SAMD3: variants seen among roughly 807,000 people sequenced by gnomAD.
The protein encoded by SAMD3 is sterile alpha motif domain containing 3, also known as sterile alpha motif domain-containing protein 3.
Under a neutral mutation model 58.5 loss-of-function variants are expected in SAMD3, and 63 were observed. That is an observed-to-expected ratio of 1.08 (90% CI 0.88 to 1.33). The LOEUF (loss-of-function observed/expected upper bound fraction) is 1.33, where lower values mean the gene tolerates loss of function less well. SAMD3 is among the 40% of genes most tolerant of loss of function. The probability of loss-of-function intolerance (pLI) is 0.00; values close to 1 mark genes in which losing one functional copy is unlikely to be tolerated. For synonymous variants in SAMD3, 220 were observed against 210.3 expected (o/e 1.05, Z -0.40); for missense variants, 604 against 608.4 (o/e 0.99, Z 0.08).
At chr6:130,269,321 A>G (rs1208436689) in intron 2 of SAMD3, among the ~76,000 whole-genome samples, 1 of 152,198 alleles carries the variant, frequency 6.6e-6, no homozygotes, top group Non-Finnish European at 1.5e-5. Context: ...TGGTAGAATA[A>G]TCAAGTGAAA....
intron 1 of SAMD3, among the ~76,000 whole-genome samples, chr6:130,353,121 A>C (rs1319210703): frequency 1.3e-5 from 2 of 152,202 alleles, no homozygotes; most frequent in Non-Finnish European, 2.9e-5. Flanking sequence ...TTCTGCATCT[A>C]GTCTTTCTTT....
Position 130,144,566 on chromosome 6 carries a change from AAAG to A in SAMD3, c.1514_1516del (p.Ser505del), listed in dbSNP as rs1788439138. 1.2e-6 allele frequency: 2 copies of A among 1,613,776 alleles called. No individual in the cohort carries two copies. Among genetic ancestry groups the A allele is most frequent in the African/African-American group, 2.7e-5 (2 of 74,894 alleles). On this transcript the variant is annotated inframe_deletion, in exon 12 of 12. Coordinates refer to ENST00000439090, the MANE Select transcript of SAMD3 (RefSeq NM_001017373.4). ...TCCTACTTCGTTTTCCTTTTCTTTC[AAAG>A]AAGGAAAATAAGGACTGTGCATATC...
At chr6:130,162,054 T>TG in intron 8 of SAMD3, 2 of 496,708 alleles carry the variant, frequency 4.0e-6, no homozygotes, top group South Asian at 3.4e-5. Context: ...ACCTTTGAGA[T>TG]GTGTGACTTT....
intron 2 of SAMD3, among the ~76,000 whole-genome samples, chr6:130,267,827 C>T (rs10872355): frequency 0.31 from 47,317 of 152,080 alleles, 7,742 homozygotes; most frequent in East Asian, 0.47. Flanking sequence ...CAATTGATCA[C>T]GACCCTCTCA....
intron 1 of SAMD3, among the ~76,000 whole-genome samples, chr6:130,332,150 T>C (rs1206571220): frequency 6.6e-6 from 1 of 152,064 alleles, no homozygotes; most frequent in Non-Finnish European, 1.5e-5. Context: ...TGGAGTAGAG[T>C]TGCCAGGGCT....
intron 2 of SAMD3, among the ~76,000 whole-genome samples, chr6:130,270,273 A>C: frequency 6.6e-6 from 1 of 152,144 alleles, no homozygotes; most frequent in Admixed American, 6.5e-5. Flanking sequence ...TTGTATTTTT[A>C]GTAGAGATGG....
chr6:130,322,933 AGTTT>A (rs1012371872), intron 1 of SAMD3, among the ~76,000 whole-genome samples: 73 of 152,136 alleles, frequency 4.8e-4, no homozygotes, highest in African/African-American at 1.7e-3. Context: ...TCAAGCCACT[AGTTT>A]GTTTTTTTCC....
At chr6:130,175,472 C>T (rs550078647) in intron 8 of SAMD3, among the ~76,000 whole-genome samples, 1 of 152,226 alleles carries the variant, frequency 6.6e-6, no homozygotes, top group Non-Finnish European at 1.5e-5. Flanking sequence ...GGCTACCTAA[C>T]TCAGACAATG....
chr6:130,298,820 G>A (rs1168022838), intron 2 of SAMD3, among the ~76,000 whole-genome samples: 1 of 146,806 alleles, frequency 6.8e-6, no homozygotes, highest in Non-Finnish European at 1.5e-5. Context: ...AAAAACAGCA[G>A]AGGTTACTAT....
chr6:130,265,972 A>G (rs1162955860), intron 2 of SAMD3, among the ~76,000 whole-genome samples: 1 of 152,184 alleles, frequency 6.6e-6, no homozygotes, highest in African/African-American at 2.4e-5. Context: ...ACTTGGATTA[A>G]AAAAATGAAA....
chr6:130,359,064 T>A (rs928878667), intron 1 of SAMD3, among the ~76,000 whole-genome samples: 2 of 152,160 alleles, frequency 1.3e-5, no homozygotes, highest in Admixed American at 6.5e-5. Flanking sequence ...TTAATCTCCC[T>A]TACTCCAGTT....
At chr6:130,337,498 C>T (rs1583125971) in intron 1 of SAMD3, among the ~76,000 whole-genome samples, 2 of 152,096 alleles carry the variant, frequency 1.3e-5, no homozygotes, top group Non-Finnish European at 2.9e-5. Flanking sequence ...AATGGTACCC[C>T]CTGCCTTTGG....
chr6:130,279,310 T>A (rs530827594), intron 2 of SAMD3, among the ~76,000 whole-genome samples: 3 of 152,038 alleles, frequency 2.0e-5, no homozygotes, highest in Non-Finnish European at 4.4e-5. Context: ...GTTTTCCCCA[T>A]GCAGTTCTCA....
chr6:130,207,729 A>T (rs936264934), intron 5 of SAMD3, among the ~76,000 whole-genome samples: 5 of 152,220 alleles, frequency 3.3e-5, no homozygotes, highest in Admixed American at 6.5e-5. Flanking sequence ...TGGATTTTGC[A>T]CCTACGACAT....
chr6:130,273,137 T>C (rs1218646167), intron 2 of SAMD3, among the ~76,000 whole-genome samples: 1 of 152,124 alleles, frequency 6.6e-6, no homozygotes, highest in Non-Finnish European at 1.5e-5. Context: ...ATTGTATTTT[T>C]GCTCATTTCT....
intron 1 of SAMD3, among the ~76,000 whole-genome samples, chr6:130,344,825 C>CAAAAAAA (rs56795907): frequency 2.6e-3 from 106 of 41,086 alleles, no homozygotes; most frequent in South Asian, 4.5e-3. Flanking sequence ...ACAACAACAG[C>CAAAAAAA]AAAAAAAAAA....
At chr6:130,180,265 C>T (rs1792167121) in intron 7 of SAMD3, among the ~76,000 whole-genome samples, 1 of 145,984 alleles carries the variant, frequency 6.9e-6, no homozygotes, top group African/African-American at 2.5e-5. Context: ...AGACTACAGG[C>T]TCATGCCACC....
At chr6:130,244,701 C>G (rs953845915) in intron 2 of SAMD3, among the ~76,000 whole-genome samples, 2 of 151,026 alleles carry the variant, frequency 1.3e-5, no homozygotes, top group Middle Eastern at 3.2e-3. Flanking sequence ...GATCGTGCCA[C>G]TGTACTCCAG....
At chr6:130,189,578 T>C (rs1793341453) in intron 5 of SAMD3, among the ~76,000 whole-genome samples, 1 of 152,236 alleles carries the variant, frequency 6.6e-6, no homozygotes, top group South Asian at 2.1e-4. Flanking sequence ...ACCTTCATTT[T>C]TCACTCCTAA....
Sources: gnomAD v4.1 joint callset for allele counts (sites outside exome capture counted in the v4.1 genomes callset) on GRCh38, gnomAD v4.1.1 for gene constraint, MANE v1.5 for transcripts, NCBI Gene and HGNC (gene_info 2026-07-23, HGNC 2026-07-21) for gene names.